Variants in ENOX1 observed in about 807,000 individuals in gnomAD.
The protein encoded by ENOX1 is candidate growth-related and time keeping constitutive hydroquinone (NADH) oxidase.
In ENOX1, 42 loss-of-function variants were observed where a neutral mutation model predicts 82.5. That is an observed-to-expected ratio of 0.51 (90% CI 0.40 to 0.66). ENOX1 has a LOEUF of 0.66. Ranked by LOEUF, ENOX1 falls within the 30% of genes least tolerant of loss-of-function variation. ENOX1 has a pLI of 0.00. For synonymous variants in ENOX1, 271 were observed against 282.2 expected (o/e 0.96, Z 0.40); for missense variants, 608 against 811.6 (o/e 0.75, Z 3.05).
chr13:43,697,665 A>T (rs565543885), intron 1 of ENOX1, among the ~76,000 whole-genome samples: 4 of 152,336 alleles, frequency 2.6e-5, no homozygotes, highest in African/African-American at 9.6e-5. Context: ...TGGGCAAAAT[A>T]GACAAGTTCC....
intron 3 of ENOX1, among the ~76,000 whole-genome samples, chr13:43,427,540 C>T (rs564814560): frequency 1.6e-4 from 24 of 152,226 alleles, no homozygotes; most frequent in African/African-American, 5.3e-4. Flanking sequence ...GTTTAACTGG[C>T]TCTAAAGAGA....
At chr13:43,598,875 A>C (rs993405898) in intron 2 of ENOX1, among the ~76,000 whole-genome samples, 11 of 152,166 alleles carry the variant, frequency 7.2e-5, no homozygotes, top group African/African-American at 2.4e-4. Context: ...AAGGATCTGC[A>C]GAGGAAACAT....
intron 1 of ENOX1, among the ~76,000 whole-genome samples, chr13:43,729,120 G>A (rs2089170525): frequency 6.6e-6 from 1 of 152,186 alleles, no homozygotes; most frequent in African/African-American, 2.4e-5. Context: ...AGGTCATTCA[G>A]TGAGAAAGTG....
chr13:43,672,911 TG>T (rs2085334906), intron 1 of ENOX1, among the ~76,000 whole-genome samples: 1 of 152,146 alleles, frequency 6.6e-6, no homozygotes, highest in Middle Eastern at 3.2e-3. Flanking sequence ...GTTTTTGTAC[TG>T]GGGCATTGAA....
intron 2 of ENOX1, among the ~76,000 whole-genome samples, chr13:43,517,635 T>C (rs964846309): frequency 5.3e-5 from 8 of 152,184 alleles, no homozygotes; most frequent in African/African-American, 1.9e-4. Flanking sequence ...CCTCTGCCTA[T>C]GGTCACAGGT....
At chr13:43,228,599 CTAGTT>C (rs2042131392) in intron 15 of ENOX1, among the ~76,000 whole-genome samples, 1 of 152,188 alleles carries the variant, frequency 6.6e-6, no homozygotes, top group African/African-American at 2.4e-5. Context: ...TCAAAACCAT[CTAGTT>C]TATTTACATT....
chr13:43,545,415 A>G (rs1354569232), intron 2 of ENOX1: 1 of 152,206 alleles, frequency 6.6e-6, no homozygotes, highest in African/African-American at 2.4e-5. Context: ...ATCTTTTTGT[A>G]AAGATTCTTT....
At chr13:43,675,380 T>C (rs932481794) in intron 1 of ENOX1, among the ~76,000 whole-genome samples, 4 of 152,102 alleles carry the variant, frequency 2.6e-5, no homozygotes, top group Admixed American at 1.3e-4. Flanking sequence ...CCACACAAAG[T>C]GCCATGTGCC....
chr13:43,548,771 A>C (rs1318717770), intron 2 of ENOX1, among the ~76,000 whole-genome samples: 1 of 152,128 alleles, frequency 6.6e-6, no homozygotes. Flanking sequence ...GGCTGGCAGG[A>C]AAGGAATACA....
chr13:43,477,086 G>C (rs2058315840), intron 3 of ENOX1, among the ~76,000 whole-genome samples: 1 of 150,936 alleles, frequency 6.6e-6, no homozygotes, highest in South Asian at 2.1e-4. Context: ...AGTTCCAAAG[G>C]TATATATTCA....
At chr13:43,742,276 A>T (rs1358168938) in intron 1 of ENOX1, among the ~76,000 whole-genome samples, 1 of 152,132 alleles carries the variant, frequency 6.6e-6, no homozygotes, top group Non-Finnish European at 1.5e-5. Flanking sequence ...AACCAGTGAC[A>T]TAGTAACAAT....
At chr13:43,258,271 T>C (rs1220796875) in intron 14 of ENOX1, among the ~76,000 whole-genome samples, 1 of 152,212 alleles carries the variant, frequency 6.6e-6, no homozygotes, top group Non-Finnish European at 1.5e-5. Flanking sequence ...ACAAGGTACC[T>C]TTGCAATCAT....
At chr13:43,582,021 A>G (rs2080766063) in intron 2 of ENOX1, among the ~76,000 whole-genome samples, 1 of 152,218 alleles carries the variant, frequency 6.6e-6, no homozygotes, top group Admixed American at 6.5e-5. Flanking sequence ...CAATATCTAC[A>G]AAACAGGCAC....
At chr13:43,264,012 T>C (rs894033202) in intron 14 of ENOX1, among the ~76,000 whole-genome samples, 1 of 152,218 alleles carries the variant, frequency 6.6e-6, no homozygotes, top group African/African-American at 2.4e-5. Flanking sequence ...GGCTTTCTAC[T>C]TTCTCAATCC....
chr13:43,279,598 A>G (rs1339449332), intron 12 of ENOX1, among the ~76,000 whole-genome samples: 2 of 152,172 alleles, frequency 1.3e-5, no homozygotes, highest in Non-Finnish European at 2.9e-5. Flanking sequence ...CTTTCTTCAC[A>G]TGTTAAATAA....
intron 1 of ENOX1, among the ~76,000 whole-genome samples, chr13:43,752,586 C>T (rs1950379630): frequency 6.6e-6 from 1 of 152,016 alleles, no homozygotes; most frequent in African/African-American, 2.4e-5. Context: ...TCATTTTTTG[C>T]TTATGGATAT....
chr13:43,348,619 C>T (rs1170286708), intron 8 of ENOX1, among the ~76,000 whole-genome samples: 1 of 152,242 alleles, frequency 6.6e-6, no homozygotes, highest in South Asian at 2.1e-4. Context: ...TCTGACCTGA[C>T]CGGGATATGA....
At chr13:43,397,045 T>C (rs1484561866) in intron 5 of ENOX1, among the ~76,000 whole-genome samples, 3 of 152,120 alleles carry the variant, frequency 2.0e-5, no homozygotes, top group African/African-American at 7.2e-5. Context: ...TTCATGCCCT[T>C]CCCAGTCTTC....
At chr13:43,441,810 G>C (rs866865327) in intron 3 of ENOX1, among the ~76,000 whole-genome samples, 1 of 92,772 alleles carries the variant, frequency 1.1e-5, no homozygotes, top group Non-Finnish European at 3.2e-5. Context: ...TTTCTCCTTC[G>C]ATTTTTTTTT....
Sources: gnomAD v4.1 joint callset for allele counts (sites outside exome capture counted in the v4.1 genomes callset) on GRCh38, gnomAD v4.1.1 for gene constraint, MANE v1.5 for transcripts, NCBI Gene and HGNC (gene_info 2026-07-23, HGNC 2026-07-21) for gene names.